The following STX18 variants were observed in gnomAD, a reference collection of about 807,000 sequenced individuals.
STX18 encodes syntaxin-18.
A neutral mutation model predicts 50.1 loss-of-function variants in STX18; 40 were observed. The observed-to-expected ratio is 0.80, with a 90% CI of 0.62 to 1.04. The LOEUF is 1.04. STX18 is among the 50% of genes least tolerant of loss of function. STX18 has a pLI of 0.00. For missense variants in STX18, 410 were observed against 415.8 expected, an observed-to-expected ratio of 0.99 and a Z score of 0.12; for synonymous variants, 158 against 151.8, an observed-to-expected ratio of 1.04 and a Z score of -0.30.
At chr4:4,498,772 A>T (rs1472907461) in intron 1 of STX18, among the ~76,000 whole-genome samples, 1 of 152,228 alleles carries the variant, frequency 6.6e-6, no homozygotes, top group Non-Finnish European at 1.5e-5. Flanking sequence ...TTTAAGAAAA[A>T]GATCTAGGTT....
At chr4:4,424,700 G>A (rs1013782894) in intron 8 of STX18, among the ~76,000 whole-genome samples, 1 of 152,210 alleles carries the variant, frequency 6.6e-6, no homozygotes, top group African/African-American at 2.4e-5. Context: ...GCTAACGGGT[G>A]CATGTGTGAG....
chr4:4,465,033 T>G (rs1727556371), intron 2 of STX18, among the ~76,000 whole-genome samples: 1 of 152,184 alleles, frequency 6.6e-6, no homozygotes, highest in South Asian at 2.1e-4. Context: ...AGGTGTTAAC[T>G]CGAGATCTTT....
chr4:4,449,139 T>G (rs1181657968), intron 5 of STX18, among the ~76,000 whole-genome samples: 1 of 150,648 alleles, frequency 6.6e-6, no homozygotes. Context: ...CTTGAACTCC[T>G]GGGCTTAAGC....
At chr4:4,505,102 G>A (rs770271501) in intron 1 of STX18, among the ~76,000 whole-genome samples, 6 of 152,072 alleles carry the variant, frequency 3.9e-5, no homozygotes, top group Non-Finnish European at 7.4e-5. Flanking sequence ...CCCAGTGCTG[G>A]GCAACCGATT....
intron 2 of STX18, 65 bp from the exon 3 acceptor site, chr4:4,459,552 G>A (rs1197978899): frequency 9.0e-6 from 11 of 1,223,422 alleles, no homozygotes; most frequent in Non-Finnish European, 1.2e-5. Context: ...TGAGTGGGAT[G>A]GGAAGAGAAG....
At chr4:4,519,955 T>A (rs557797874) in intron 1 of STX18, among the ~76,000 whole-genome samples, 6 of 152,314 alleles carry the variant, frequency 3.9e-5, no homozygotes, top group African/African-American at 1.4e-4. Context: ...AGAATATCAT[T>A]TATCTTATGA....
At chr4:4,427,389 C>T (rs1171609880) in intron 7 of STX18, among the ~76,000 whole-genome samples, 1 of 152,234 alleles carries the variant, frequency 6.6e-6, no homozygotes, top group African/African-American at 2.4e-5. Context: ...GAGAGTAAAA[C>T]TTTCACTTTT....
chr4:4,488,638 C>T (rs543515193), intron 1 of STX18, among the ~76,000 whole-genome samples: 2 of 152,298 alleles, frequency 1.3e-5, no homozygotes, highest in South Asian at 4.1e-4. Context: ...AAAATGACAA[C>T]AGCCTAGTTT....
chr4:4,509,812 G>C (rs1198940494), intron 1 of STX18, among the ~76,000 whole-genome samples: 1 of 152,064 alleles, frequency 6.6e-6, no homozygotes, highest in Admixed American at 6.6e-5. Context: ...GAAAATGTTT[G>C]AAGGAGAAGT....
intron 5 of STX18, among the ~76,000 whole-genome samples, chr4:4,439,195 TATATATAC>T (rs1725961731): frequency 1.8e-5 from 2 of 110,102 alleles, no homozygotes; most frequent in Non-Finnish European, 3.3e-5. Flanking sequence ...ACATACCCCA[TATATATAC>T]ATACATGCAT....
chr4:4,421,299 C>T (rs75703011), intron 9 of STX18, among the ~76,000 whole-genome samples: 1 of 151,894 alleles, frequency 6.6e-6, no homozygotes, highest in Non-Finnish European at 1.5e-5. Context: ...TCACATCACA[C>T]AGCAACCAAG....
intron 1 of STX18, among the ~76,000 whole-genome samples, chr4:4,540,606 C>T (rs1731540463): frequency 6.6e-6 from 1 of 152,190 alleles, no homozygotes; most frequent in Non-Finnish European, 1.5e-5. Context: ...ACAACACCTG[C>T]AAGGCTTTAT....
At chr4:4,478,522 G>C (rs1728307099) in intron 1 of STX18, 1 of 152,190 alleles carries the variant, frequency 6.6e-6, no homozygotes, top group Non-Finnish European at 1.5e-5. Flanking sequence ...TCTATATTCA[G>C]TTTTTAGCTT....
chr4:4,523,867 C>T (rs1730631280), intron 1 of STX18, among the ~76,000 whole-genome samples: 1 of 152,160 alleles, frequency 6.6e-6, no homozygotes, highest in African/African-American at 2.4e-5. Flanking sequence ...CATTCCTCTC[C>T]CATTCTAGGG....
At chr4:4,525,653 A>G (rs966886766) in intron 1 of STX18, among the ~76,000 whole-genome samples, 1 of 152,228 alleles carries the variant, frequency 6.6e-6, no homozygotes. Flanking sequence ...ACAAAGAAGC[A>G]TGAAAATAGA....
intron 1 of STX18, among the ~76,000 whole-genome samples, chr4:4,478,285 T>G (rs747287922): frequency 1.3e-5 from 2 of 150,830 alleles, no homozygotes; most frequent in Non-Finnish European, 2.9e-5. Flanking sequence ...AGTTGGCTAC[T>G]ACTGTTCCTT....
At chr4:4,541,547 T>C (rs1446124644) in intron 1 of STX18, among the ~76,000 whole-genome samples, 4 of 152,010 alleles carry the variant, frequency 2.6e-5, no homozygotes, top group Admixed American at 2.0e-4. Flanking sequence ...TTTCTGAGGA[T>C]CTCCTTTCTT....
At chr4:4,443,587 G>A (rs1726232742) in intron 5 of STX18, among the ~76,000 whole-genome samples, 1 of 152,102 alleles carries the variant, frequency 6.6e-6, no homozygotes, top group Non-Finnish European at 1.5e-5. Context: ...AACCTATGAA[G>A]GTATTACAAG....
chr4:4,446,407 A>G (rs1402765941), intron 5 of STX18, among the ~76,000 whole-genome samples: 1 of 152,276 alleles, frequency 6.6e-6, no homozygotes, highest in Non-Finnish European at 1.5e-5. Context: ...AAATATTTGC[A>G]GCATGTATAT....
Sources: gnomAD v4.1 joint callset for allele counts (sites outside exome capture counted in the v4.1 genomes callset) on GRCh38, gnomAD v4.1.1 for gene constraint, MANE v1.5 for transcripts, NCBI Gene and HGNC (gene_info 2026-07-23, HGNC 2026-07-21) for gene names.